The following NCOA2 variants were observed in gnomAD, a reference collection of about 807,000 sequenced individuals.
NCOA2 encodes the protein nuclear receptor coactivator 2.
In NCOA2, 21 loss-of-function variants were observed where a neutral mutation model predicts 145.1. The ratio of observed to expected loss-of-function variants is 0.14; its 90% CI spans 0.10 to 0.21. The LOEUF is 0.21. NCOA2 is among the 10% of genes least tolerant of loss of function. The pLI is 1.00. For missense variants in NCOA2, 1,472 were observed against 1,837.6 expected, an observed-to-expected ratio of 0.80 and a Z score of 3.64; for synonymous variants, 619 against 637.5, an observed-to-expected ratio of 0.97 and a Z score of 0.44.
At chr8:70,177,789 A>T (rs1815035729) in intron 4 of NCOA2, among the ~76,000 whole-genome samples, 1 of 152,204 alleles carries the variant, frequency 6.6e-6, no homozygotes, top group Non-Finnish European at 1.5e-5. Flanking sequence ...AGGAAACAAC[A>T]GCTGCCCAAT....
intron 1 of NCOA2, among the ~76,000 whole-genome samples, chr8:70,314,178 T>TTC (rs1805365805): frequency 6.2e-5 from 2 of 32,158 alleles, no homozygotes; most frequent in South Asian, 3.2e-3. Context: ...AGACTCTGAC[T>TTC]CCAAAAAAAA....
At chr8:70,220,583 A>C (rs1484177892) in intron 2 of NCOA2, among the ~76,000 whole-genome samples, 1 of 152,204 alleles carries the variant, frequency 6.6e-6, no homozygotes, top group East Asian at 1.9e-4. Flanking sequence ...AAAAAGTAAC[A>C]ATATTCTGGG....
At chr8:70,372,492 T>C (rs1436163962) in intron 1 of NCOA2, among the ~76,000 whole-genome samples, 4 of 152,198 alleles carry the variant, frequency 2.6e-5, no homozygotes, top group Non-Finnish European at 5.9e-5. Context: ...TTTCAGAGAA[T>C]TGCCACAAAT....
At chr8:70,433,869 G>T in the NCOA2 span, among the ~76,000 whole-genome samples, 1 of 152,268 alleles carries the variant, frequency 6.6e-6, no homozygotes, top group East Asian at 1.9e-4. Context: ...GTCATTCCCT[G>T]TGGGATGTGT....
intron 4 of NCOA2, among the ~76,000 whole-genome samples, chr8:70,186,110 A>G (rs1232707182): frequency 1.3e-5 from 2 of 152,060 alleles, no homozygotes; most frequent in East Asian, 3.9e-4. Flanking sequence ...AGAGAAACCC[A>G]TCTTGGGGAA....
intron 1 of NCOA2, among the ~76,000 whole-genome samples, chr8:70,353,665 C>T (rs774683625): frequency 4.6e-5 from 7 of 151,922 alleles, no homozygotes; most frequent in Non-Finnish European, 7.4e-5. Flanking sequence ...TCTCTTTCCA[C>T]TATGTGACAC....
the NCOA2 span, among the ~76,000 whole-genome samples, chr8:70,411,250 A>T: frequency 6.6e-6 from 1 of 152,208 alleles, no homozygotes; most frequent in Non-Finnish European, 1.5e-5. Flanking sequence ...TACCATTTGT[A>T]ACCAACATTG....
intron 1 of NCOA2, among the ~76,000 whole-genome samples, chr8:70,391,959 C>A (rs756744165): frequency 5.9e-5 from 9 of 152,184 alleles, no homozygotes; most frequent in Non-Finnish European, 1.2e-4. Context: ...GATGAAGAAT[C>A]ATATCTGTAA....
chr8:70,281,272 C>T (rs1825850211), intron 2 of NCOA2, among the ~76,000 whole-genome samples: 1 of 144,258 alleles, frequency 6.9e-6, no homozygotes, highest in Non-Finnish European at 1.5e-5. Context: ...GAAAATCAAC[C>T]TTGAACATGG....
the NCOA2 span, among the ~76,000 whole-genome samples, chr8:70,447,502 TGTGACTGACTCACTTAGA>T: frequency 2.0e-5 from 3 of 152,092 alleles, no homozygotes; most frequent in African/African-American, 7.2e-5. Context: ...ATCCAAGAGA[TGTGACTGACTCACTTAGA>T]GTGACTGACT....
At chr8:70,442,624 T>C in the NCOA2 span, among the ~76,000 whole-genome samples, 2 of 152,242 alleles carry the variant, frequency 1.3e-5, no homozygotes, top group Non-Finnish European at 2.9e-5. Flanking sequence ...GAAATTCCTC[T>C]AAGCAGTATT....
chr8:70,273,527 GGC>G, intron 2 of NCOA2: 1 of 694,536 alleles, frequency 1.4e-6, no homozygotes, highest in Non-Finnish European at 2.5e-6. Context: ...AGAAATCTCT[GGC>G]ATTGAAGAGG....
chr8:70,236,499 A>AT (rs936701039), intron 2 of NCOA2, among the ~76,000 whole-genome samples: 13 of 152,024 alleles, frequency 8.6e-5, no homozygotes, highest in Admixed American at 4.6e-4. Flanking sequence ...AATAAGCCAT[A>AT]TATCTTGTCC....
chr8:70,159,222 T>TTTTATA (rs1554578437), intron 10 of NCOA2, among the ~76,000 whole-genome samples: 3 of 44,490 alleles, frequency 6.7e-5, no homozygotes, highest in East Asian at 3.2e-4. Context: ...CAGTATAACA[T>TTTTATA]TATATATATA....
chr8:70,197,132 T>C (rs1378161100), intron 4 of NCOA2, among the ~76,000 whole-genome samples: 2 of 152,212 alleles, frequency 1.3e-5, no homozygotes, highest in Non-Finnish European at 2.9e-5. Flanking sequence ...TAGCCCTGGA[T>C]ACAAGGAATT....
chr8:70,175,829 T>C (rs2132788812), intron 4 of NCOA2, among the ~76,000 whole-genome samples: 1 of 152,258 alleles, frequency 6.6e-6, no homozygotes, highest in Non-Finnish European at 1.5e-5. Flanking sequence ...TGTAAATCAA[T>C]TTAGCACTCA....
intron 1 of NCOA2, among the ~76,000 whole-genome samples, chr8:70,299,779 C>T (rs893558189): frequency 6.6e-6 from 1 of 152,306 alleles, no homozygotes; most frequent in South Asian, 2.1e-4. Context: ...GCAATTTTAT[C>T]CCTGATGTTT....
intron 4 of NCOA2, among the ~76,000 whole-genome samples, chr8:70,198,092 C>T (rs974656755): frequency 2.6e-5 from 4 of 152,134 alleles, no homozygotes; most frequent in African/African-American, 4.8e-5. Context: ...TGAGTAATGG[C>T]ATCTGGCTTT....
At chr8:70,169,415 C>T (rs1356698220) in intron 6 of NCOA2, among the ~76,000 whole-genome samples, 1 of 152,206 alleles carries the variant, frequency 6.6e-6, no homozygotes, top group Non-Finnish European at 1.5e-5. Flanking sequence ...GCATCTGAAC[C>T]TCTCCATCTG....
Sources: allele counts gnomAD v4.1 joint callset (sites outside exome capture counted in the v4.1 genomes callset), GRCh38; gene constraint gnomAD v4.1.1; transcripts MANE v1.5; gene names NCBI Gene and HGNC (gene_info 2026-07-23, HGNC 2026-07-21).